Variants in UNC79 observed in about 807,000 individuals in gnomAD.
The protein encoded by UNC79 is unc-79 subunit of NALCN channel complex.
UNC79 carries 37 observed loss-of-function variants against 283.1 expected under a neutral mutation model. The ratio of observed to expected loss-of-function variants is 0.13; its 90% CI spans 0.10 to 0.17. The LOEUF (loss-of-function observed/expected upper bound fraction) is 0.17, where lower values mean the gene tolerates loss of function less well. Among genes scored for constraint, UNC79 ranks in the 10% least tolerant of loss-of-function variants. The pLI is 1.00. For synonymous variants in UNC79, 1,107 were observed against 1,200.2 expected (o/e 0.92, Z 1.61); for missense variants, 2,272 against 3,211.1 (o/e 0.71, Z 7.07).
intron 1 of UNC79, among the ~76,000 whole-genome samples, chr14:93,423,906 A>T (rs1171566229): frequency 6.6e-6 from 1 of 152,182 alleles, no homozygotes; most frequent in East Asian, 1.9e-4. Context: ...CAAAAGAAAC[A>T]ATCAACATAG....
At chr14:93,550,223 C>T (rs866308332) in intron 14 of UNC79, among the ~76,000 whole-genome samples, 111 of 152,134 alleles carry the variant, frequency 7.3e-4, no homozygotes, top group African/African-American at 2.6e-3. Context: ...AGCTAGTTTT[C>T]GTTGCCTTTC....
intron 7 of UNC79, among the ~76,000 whole-genome samples, chr14:93,502,557 T>A (rs1408843053): frequency 3.3e-5 from 5 of 152,230 alleles, no homozygotes; most frequent in Non-Finnish European, 5.9e-5. Context: ...AGCCATTATG[T>A]TGTTCTATGC....
At chr14:93,528,485 A>G in intron 8 of UNC79, 73 bp from the exon 9 acceptor site, 1 of 1,375,806 alleles carries the variant, frequency 7.3e-7, no homozygotes, top group Non-Finnish European at 1.0e-6. Context: ...TTATTGAAGC[A>G]TTTGTGCTTA....
chr14:93,625,166 G>C (rs2067464774), intron 30 of UNC79, among the ~76,000 whole-genome samples: 1 of 152,076 alleles, frequency 6.6e-6, no homozygotes, highest in African/African-American at 2.4e-5. Context: ...TGGAAGCCCA[G>C]CTCTCCCTGA....
chr14:93,655,318 C>T (rs1324637588), exon 38 of UNC79: 1 of 1,613,982 alleles, frequency 6.2e-7, no homozygotes, highest in African/African-American at 1.3e-5. Flanking sequence ...GGAAGCTTTG[C>T]CTATGGATTC....
At chr14:93,673,492 A>C (rs1489777205) in intron 41 of UNC79, 37 bp downstream of exon 44, 17 of 1,580,370 alleles carry the variant, frequency 1.1e-5, no homozygotes, top group Non-Finnish European at 1.1e-5. Context: ...TTTTCATGAG[A>C]TCCATGTATG....
At chr14:93,508,448 G>A (rs990500574) in intron 7 of UNC79, among the ~76,000 whole-genome samples, 1 of 152,170 alleles carries the variant, frequency 6.6e-6, no homozygotes, top group African/African-American at 2.4e-5. Context: ...AATCTGGATT[G>A]TGTTAATCTG....
In UNC79 at chr14:93,617,414, T is replaced by C; in HGVS notation, c.4224+110T>C. On this transcript the variant is annotated intron_variant, in intron 28 of 48. Coordinates refer to ENST00000555664, the Ensembl canonical transcript of UNC79. This position sits in a 1 kb window ranked among gnomAD's most constrained non-coding sequence, Gnocchi z 4.5. Reference sequence around the variant, plus strand: ...TGAAAATTTTGTAGAAGTTTGACCTTCAGAAGGAAGATCAGGATATGCAAT... The same window carrying C: ...TGAAAATTTTGTAGAAGTTTGACCTCCAGAAGGAAGATCAGGATATGCAAT... The C allele has an allele frequency of 1.7e-6, 2 of 1,209,114 alleles. No individual in the cohort carries two copies. Among genetic ancestry groups the C allele is most frequent in the Non-Finnish European group, 2.3e-6 (2 of 880,472 alleles). 74.9% of individuals were successfully genotyped at this position (1,209,114 alleles called of 1,614,324 possible).
intron 1 of UNC79, among the ~76,000 whole-genome samples, chr14:93,402,446 A>C (rs1011219891): frequency 7.2e-5 from 11 of 151,960 alleles, no homozygotes; most frequent in African/African-American, 2.7e-4. Context: ...TAAGGAGGAA[A>C]AAATTATAAA....
In UNC79 at chr14:93,694,318, C is replaced by T; in HGVS notation, c.7471-17C>T. On this transcript the variant is annotated splice_polypyrimidine_tract_variant and intron_variant, in intron 46 of 48. Coordinates refer to ENST00000555664, the Ensembl canonical transcript of UNC79. ...TATCACTGGAAATGGAATTAACTTT[C>T]ATGTTTGTTGTTTCAGATGGTAGAA... The T allele has an allele frequency of 1.5e-5, 24 of 1,602,610 alleles. No homozygotes were observed. Among genetic ancestry groups the T allele is most frequent in the Non-Finnish European group, 2.1e-5 (24 of 1,170,500 alleles).
chr14:93,659,989 A>G (rs12433406), intron 39 of UNC79, among the ~76,000 whole-genome samples: 2,749 of 152,244 alleles, frequency 0.018, 79 homozygotes, highest in African/African-American at 0.063. Flanking sequence ...AGAGCTCTCT[A>G]TAGTAGCACT....
At chr14:93,353,242 C>T (rs1372907959) in intron 1 of UNC79, among the ~76,000 whole-genome samples, 5 of 152,166 alleles carry the variant, frequency 3.3e-5, no homozygotes, top group African/African-American at 7.2e-5. Context: ...CTCACTGTGT[C>T]GCCCAGGCTG....
At chr14:93,667,489 C>T (rs1243925553) in intron 40 of UNC79, among the ~76,000 whole-genome samples, 1 of 152,042 alleles carries the variant, frequency 6.6e-6, no homozygotes, top group Non-Finnish European at 1.5e-5. Context: ...TAATACAAAA[C>T]ATCCAGAAAG....
intron 20 of UNC79, among the ~76,000 whole-genome samples, chr14:93,583,235 C>T (rs935003369): frequency 1.3e-5 from 2 of 151,576 alleles, no homozygotes; most frequent in Non-Finnish European, 2.9e-5. Flanking sequence ...GCAGGAGAAT[C>T]GCTTGAACTG....
At position 93,636,282 on chromosome 14, in the gene UNC79, A is replaced by G. The variant is rs151167683; in HGVS notation, c.5717-934A>G. On this transcript the variant is annotated intron_variant, in intron 31 of 48. Coordinates refer to ENST00000555664, the Ensembl canonical transcript of UNC79. ...TATTTCCCATTTATATGCTGTCTGAATTTCTTTCCCGAGTTTTCCTGGGCC... is the reference window on the plus strand; with the variant it reads ...TATTTCCCATTTATATGCTGTCTGAGTTTCTTTCCCGAGTTTTCCTGGGCC... Among the ~76,000 whole-genome samples, 310 of 152,204 alleles carry G rather than the reference A, an allele frequency of 2.0e-3. 1 individual carries two copies. The highest frequency in any genetic ancestry group is 6.9e-3 in the African/African-American group (286 of 41,522).
At chr14:93,373,266 G>A (rs1416458264) in intron 1 of UNC79, among the ~76,000 whole-genome samples, 1 of 152,088 alleles carries the variant, frequency 6.6e-6, no homozygotes, top group Non-Finnish European at 1.5e-5. Flanking sequence ...TTAAATCCAA[G>A]TAACCTGAAG....
intron 1 of UNC79, among the ~76,000 whole-genome samples, chr14:93,467,256 A>G (rs1394362188): frequency 6.6e-6 from 1 of 152,108 alleles, no homozygotes; most frequent in Admixed American, 6.6e-5. Flanking sequence ...TTTCTCCTTC[A>G]GTTTTAGTTA....
chr14:93,631,763 T>G (rs919134130), intron 31 of UNC79, among the ~76,000 whole-genome samples: 11 of 152,270 alleles, frequency 7.2e-5, no homozygotes, highest in African/African-American at 2.7e-4. Flanking sequence ...ATCATCATCT[T>G]CATTGTTCAT....
chr14:93,499,170 A>G (rs2059167685), intron 7 of UNC79, among the ~76,000 whole-genome samples: 1 of 152,214 alleles, frequency 6.6e-6, no homozygotes, highest in Non-Finnish European at 1.5e-5. Context: ...AAAACAATGA[A>G]AGTAGATAGT....
Sources: gnomAD v4.1 joint callset for allele counts (sites outside exome capture counted in the v4.1 genomes callset) on GRCh38, gnomAD v4.1.1 for gene constraint, Gnocchi (gnomAD v3.1) non-coding constraint, MANE v1.5 for transcripts, NCBI Gene and HGNC (gene_info 2026-07-23, HGNC 2026-07-21) for gene names.